The following MRTFA variants were observed in gnomAD, a reference collection of about 807,000 sequenced individuals.
MRTFA encodes myocardin-related transcription factor A.
Under a neutral mutation model 83.5 loss-of-function variants are expected in MRTFA, and 20 were observed. The ratio of observed to expected loss-of-function variants is 0.24; its 90% CI spans 0.17 to 0.35. The LOEUF (loss-of-function observed/expected upper bound fraction) is 0.35. Among genes scored for constraint, MRTFA ranks in the 10% least tolerant of loss-of-function variants. MRTFA has a pLI of 1.00. For synonymous variants in MRTFA, 659 were observed against 541.2 expected, an observed-to-expected ratio of 1.22 and a Z score of -3.02; for missense variants, 1,200 against 1,224.7, an observed-to-expected ratio of 0.98 and a Z score of 0.30.
chr22:40,464,168 G>A (rs536595010), intron 3 of MRTFA, among the ~76,000 whole-genome samples: 29 of 151,830 alleles, frequency 1.9e-4, no homozygotes, highest in African/African-American at 7.0e-4. Flanking sequence ...GGGTGTGGTG[G>A]TGCGCGCCTG....
At chr22:40,457,341 G>C (rs1175537145) in intron 4 of MRTFA, among the ~76,000 whole-genome samples, 2 of 151,694 alleles carry the variant, frequency 1.3e-5, no homozygotes, top group Non-Finnish European at 2.9e-5. Flanking sequence ...CTCCAATCCA[G>C]CCTGGGAGAG....
chr22:40,587,104 G>A (rs772623710), intron 2 of MRTFA: 6 of 451,960 alleles, frequency 1.3e-5, no homozygotes, highest in East Asian at 6.5e-5. Flanking sequence ...TTCCTGCAAC[G>A]TGCTTGAAGG....
intron 3 of MRTFA, among the ~76,000 whole-genome samples, chr22:40,492,921 A>G (rs1157564733): frequency 6.6e-6 from 1 of 152,232 alleles, no homozygotes; most frequent in Non-Finnish European, 1.5e-5. Context: ...TTAAAAGAAG[A>G]TACAGTTCAA....
intron 2 of MRTFA, among the ~76,000 whole-genome samples, chr22:40,558,908 C>T (rs1388832805): frequency 6.6e-6 from 1 of 151,716 alleles, no homozygotes; most frequent in African/African-American, 2.4e-5. Context: ...GTCTCAGCCT[C>T]CCGAGTAGCT....
intron 3 of MRTFA, among the ~76,000 whole-genome samples, chr22:40,476,127 G>C (rs922278263): frequency 7.0e-6 from 1 of 142,460 alleles, no homozygotes; most frequent in Admixed American, 7.0e-5. Context: ...CTGGGCGACA[G>C]AGCAAGACTC....
chr22:40,519,424 G>A (rs1355766410), intron 3 of MRTFA: 1 of 1,330,720 alleles, frequency 7.5e-7, no homozygotes, highest in Non-Finnish European at 1.0e-6. Context: ...AAGAGATCAG[G>A]GTTGAGAGAT....
intron 2 of MRTFA, among the ~76,000 whole-genome samples, chr22:40,568,955 G>C (rs2055744918): frequency 6.6e-6 from 1 of 152,094 alleles, no homozygotes; most frequent in African/African-American, 2.4e-5. Context: ...ATTAATCAAG[G>C]AGAAAGGAAG....
rs5015453 is a variant in MRTFA at position 40,564,675 on chromosome 22, C to T, written c.-21-12308G>A. On this transcript the variant is annotated intron_variant, in intron 2 of 14. Coordinates refer to ENST00000355630, the MANE Select transcript of MRTFA (RefSeq NM_020831.6). ...ATTTTTATTATTATTATTTTGGAGA[C>T]GGAGCCTTGCACCGTCGCCCAGGCT... 0.014 allele frequency among the ~76,000 whole-genome samples: 2,126 copies of T among 152,070 alleles called. 284 individuals are homozygous for T. In the East Asian group the frequency reaches 0.32, roughly 23 times the overall value.
intron 12 of MRTFA, among the ~76,000 whole-genome samples, chr22:40,418,097 C>T (rs952820251): frequency 1.3e-4 from 20 of 152,096 alleles, no homozygotes; most frequent in East Asian, 1.9e-4. Context: ...AGCCTGGGTA[C>T]GGGCTGCTCA....
At position 40,417,454 on chromosome 22, in the gene MRTFA, C is replaced by A. The variant is rs1387134331; in HGVS notation, c.2404G>T (p.Ala802Ser). Residue 802 changes from alanine (A) to serine (S), a missense_variant, in exon 13 of 15, where the codon GCC becomes TCC. By Grantham distance (99) the Ala-to-Ser change is moderately conservative (BLOSUM62 1). Coordinates refer to ENST00000355630, the MANE Select transcript of MRTFA (RefSeq NM_020831.6). ...AGTGGGTGCTCCAGGTCCATCTGGG[C>A]AGAGGGGGCAGGCGCTGGAGAGCCA... is the stretch of plus-strand genomic sequence containing the variant. 6.3e-7 allele frequency: 1 copy of A among 1,599,348 alleles called. No individual in the cohort carries two copies. Among genetic ancestry groups the A allele is most frequent in the East Asian group, 2.2e-5 (1 of 44,572 alleles).
At chr22:40,415,034 TCTC>T (rs1218492283) in intron 14 of MRTFA, 5 of 152,132 alleles carry the variant, frequency 3.3e-5, no homozygotes, top group African/African-American at 7.2e-5. Flanking sequence ...CCCAGACCTC[TCTC>T]CTCAAACACC....
At chr22:40,619,196 T>C (rs1442230042) in intron 1 of MRTFA, among the ~76,000 whole-genome samples, 2 of 151,686 alleles carry the variant, frequency 1.3e-5, no homozygotes, top group Non-Finnish European at 2.9e-5. Flanking sequence ...CTAGATAATC[T>C]GGATGGGCCT....
At chr22:40,603,901 C>T (rs1423355845) in intron 1 of MRTFA, among the ~76,000 whole-genome samples, 3 of 151,758 alleles carry the variant, frequency 2.0e-5, no homozygotes, top group South Asian at 2.1e-4. Flanking sequence ...GCATAAGCCA[C>T]GGCACCCAGC....
At chr22:40,429,143 G>A (rs1215020392) in intron 7 of MRTFA, among the ~76,000 whole-genome samples, 5 of 152,208 alleles carry the variant, frequency 3.3e-5, no homozygotes. Context: ...CTGTGGGGCT[G>A]TGGCCTTAGC....
intron 3 of MRTFA, among the ~76,000 whole-genome samples, chr22:40,483,009 G>A (rs889354487): frequency 6.6e-6 from 1 of 152,012 alleles, no homozygotes; most frequent in African/African-American, 2.4e-5. Context: ...AGACTGCAGT[G>A]AGCCACCACT....
intron 4 of MRTFA, among the ~76,000 whole-genome samples, chr22:40,448,146 C>T (rs2053417469): frequency 6.6e-6 from 1 of 152,204 alleles, no homozygotes; most frequent in Non-Finnish European, 1.5e-5. Flanking sequence ...CCCATCTCTA[C>T]TAAAAATACA....
intron 5 of MRTFA, among the ~76,000 whole-genome samples, chr22:40,432,789 T>C (rs2147096566): frequency 6.6e-6 from 1 of 151,940 alleles, no homozygotes; most frequent in African/African-American, 2.4e-5. Context: ...ATCCAGGAGA[T>C]GGTTTAAAGT....
At chr22:40,516,160 G>A (rs2054754361) in intron 3 of MRTFA, among the ~76,000 whole-genome samples, 1 of 152,096 alleles carries the variant, frequency 6.6e-6, no homozygotes, top group Admixed American at 6.6e-5. Context: ...GCTCATGCCT[G>A]TAATCCCAAC....
intron 2 of MRTFA, among the ~76,000 whole-genome samples, chr22:40,554,145 G>A (rs147887657): frequency 0.02 from 3,008 of 152,278 alleles, 90 homozygotes; most frequent in African/African-American, 0.067. Context: ...GATTTTACAG[G>A]CTCATAGGTG....
Sources: allele counts gnomAD v4.1 joint callset (sites outside exome capture counted in the v4.1 genomes callset), GRCh38; gene constraint gnomAD v4.1.1; transcripts MANE v1.5; gene names NCBI Gene and HGNC (gene_info 2026-07-23, HGNC 2026-07-21).